Variants in GAPVD1 observed in about 807,000 individuals in gnomAD.
GAPVD1 encodes the protein GTPase activating protein and VPS9 domains 1.
Under a neutral mutation model 155.5 loss-of-function variants are expected in GAPVD1, and 35 were observed. The observed-to-expected ratio is 0.23, with a 90% CI of 0.17 to 0.30. The LOEUF is 0.30. Among genes scored for constraint, GAPVD1 ranks in the 10% least tolerant of loss-of-function variants. The pLI is 1.00. For missense variants in GAPVD1, 1,429 were observed against 1,775.7 expected (o/e 0.80, Z 3.51); for synonymous variants, 636 against 619.7 (o/e 1.03, Z -0.39).
chr9:125,296,281 C>G (rs1341980760), intron 3 of GAPVD1, among the ~76,000 whole-genome samples: 3 of 150,928 alleles, frequency 2.0e-5, no homozygotes, highest in African/African-American at 7.3e-5. Context: ...CGGGTTCAAG[C>G]AATTCTCTGC....
intron 23 of GAPVD1, among the ~76,000 whole-genome samples, chr9:125,353,447 T>G (rs1242260502): frequency 1.3e-5 from 2 of 152,158 alleles, no homozygotes; most frequent in African/African-American, 2.4e-5. Flanking sequence ...TCCAAACTGT[T>G]CCATCCTCTG....
At chr9:125,338,929 T>TG (rs1847426483) in intron 17 of GAPVD1, among the ~76,000 whole-genome samples, 24 of 146,728 alleles carry the variant, frequency 1.6e-4, no homozygotes, top group African/African-American at 4.5e-4. Context: ...TTAAAAAAAT[T>TG]TGTGTGTGTG....
chr9:125,267,626 C>G (rs1018776862), intron 1 of GAPVD1, among the ~76,000 whole-genome samples: 1 of 152,052 alleles, frequency 6.6e-6, no homozygotes, highest in Non-Finnish European at 1.5e-5. Context: ...TCAGGCTGGT[C>G]TTGAACTCCT....
At chr9:125,295,304 A>T (rs1447299222) in intron 2 of GAPVD1, among the ~76,000 whole-genome samples, 154 bp from the exon 3 acceptor site, 1 of 151,872 alleles carries the variant, frequency 6.6e-6, no homozygotes, top group African/African-American at 2.4e-5. Context: ...ACTTTTAGTT[A>T]TTCATGTCTA....
chr9:125,331,185 T>A (rs1421105958), intron 13 of GAPVD1, among the ~76,000 whole-genome samples: 2 of 147,664 alleles, frequency 1.4e-5, no homozygotes, highest in African/African-American at 5.2e-5. Context: ...TATTAAGTGA[T>A]CCTGATATGT....
At chr9:125,314,938 C>T (rs1843185154) in intron 9 of GAPVD1, among the ~76,000 whole-genome samples, 1 of 151,798 alleles carries the variant, frequency 6.6e-6, no homozygotes, top group South Asian at 2.1e-4. Context: ...CAGGCGCCCG[C>T]CACCACGCCC....
intron 2 of GAPVD1, among the ~76,000 whole-genome samples, chr9:125,279,570 C>CAA (rs373750165): frequency 7.2e-5 from 4 of 55,778 alleles, no homozygotes; most frequent in Admixed American, 1.8e-4. Flanking sequence ...GACTTCATCT[C>CAA]AAAAAAAAAA....
At chr9:125,298,690 A>AT (rs1840293254) in intron 3 of GAPVD1, among the ~76,000 whole-genome samples, 200 bp from the exon 4 acceptor site, 1 of 151,764 alleles carries the variant, frequency 6.6e-6, no homozygotes, top group Admixed American at 6.6e-5. Context: ...GGGTTTCACC[A>AT]TGTTGGCCAG....
intron 2 of GAPVD1, among the ~76,000 whole-genome samples, chr9:125,293,866 A>AAATATAT (rs1554757134): frequency 2.8e-4 from 5 of 17,546 alleles, no homozygotes; most frequent in African/African-American, 2.1e-3. Context: ...ATATATATAT[A>AAATATAT]TATATATATA....
chr9:125,352,387 A>G (rs938418269), intron 23 of GAPVD1, among the ~76,000 whole-genome samples: 1 of 152,138 alleles, frequency 6.6e-6, no homozygotes, highest in Non-Finnish European at 1.5e-5. Flanking sequence ...AGGTTCCCAA[A>G]CCCCATTCTT....
At position 125,286,306 on chromosome 9, in the gene GAPVD1, GTTTTT is replaced by G. The variant is rs1450475582; in HGVS notation, c.-149-9150_-149-9146del. On this transcript the variant is annotated intron_variant, in intron 2 of 27. Coordinates refer to ENST00000297933, the MANE Select transcript of GAPVD1 (RefSeq NM_001282680.3). The stretch of plus-strand genomic sequence containing the variant: ...TTTTTTTATTGTTGTTGTTTTCTTT[GTTTTT>G]TATTTATTTTTTGATAGAGATGGAG... Among the ~76,000 whole-genome samples, 869 of 151,536 alleles carry G rather than the reference GTTTTT, an allele frequency of 5.7e-3. 13 individuals are homozygous for G. Among genetic ancestry groups the G allele is most frequent in the African/African-American group, 0.02 (814 of 41,020 alleles).
chr9:125,281,175 G>A (rs530093156), intron 2 of GAPVD1, among the ~76,000 whole-genome samples: 9 of 152,128 alleles, frequency 5.9e-5, no homozygotes, highest in East Asian at 1.9e-4. Context: ...TTTCTAGGCC[G>A]TGGTGGTTAG....
At chr9:125,264,007 TG>T in intron 1 of GAPVD1, 1 of 1,324,108 alleles carries the variant, frequency 7.6e-7, no homozygotes, top group African/African-American at 1.5e-5. Context: ...CTGCCAGCTC[TG>T]GGTGCTTAGG....
intron 2 of GAPVD1, among the ~76,000 whole-genome samples, chr9:125,278,370 A>G (rs1836160892): frequency 6.6e-6 from 1 of 150,580 alleles, no homozygotes; most frequent in African/African-American, 2.5e-5. Context: ...AAAATACAAA[A>G]ATTAGCCGGA....
In GAPVD1 at chr9:125,307,692, T is replaced by A. The variant is rs763052505; in HGVS notation, c.1253T>A (p.Val418Glu). ...YITYSQLITL[V>E]NFMKSVMSGD... ...GCTAATGTTCTTTGCTTTTGCCAGG[T>A]GAATTTTATGAAGAGTGTGATGTCT... Residue 418 changes from valine to glutamate, a missense_variant and splice_region_variant, in exon 8 of 28, where the codon GTG becomes GAG. By Grantham distance (121) the Val-to-Glu change is moderately radical. Transcript: ENST00000297933. The A allele has an allele frequency of 3.7e-5, 60 of 1,612,252 alleles. No individual in the cohort carries two copies. Among genetic ancestry groups the A allele is most frequent in the Non-Finnish European group, 4.9e-5 (58 of 1,178,572 alleles).
At chr9:125,329,015 C>T (rs566466372) in intron 12 of GAPVD1, among the ~76,000 whole-genome samples, 11 of 151,026 alleles carry the variant, frequency 7.3e-5, no homozygotes, top group Non-Finnish European at 1.2e-4. Context: ...CGCAGGCACT[C>T]GGCAGGCTGA....
At chr9:125,266,177 A>G (rs1390289807) in intron 1 of GAPVD1, among the ~76,000 whole-genome samples, 1 of 148,770 alleles carries the variant, frequency 6.7e-6, no homozygotes, top group Non-Finnish European at 1.5e-5. Context: ...CCCAGGCTGG[A>G]GTGCAAATGC....
chr9:125,272,532 C>T (rs1370295799), intron 2 of GAPVD1, among the ~76,000 whole-genome samples: 1 of 152,136 alleles, frequency 6.6e-6, no homozygotes, highest in African/African-American at 2.4e-5. Flanking sequence ...AAAACATTAC[C>T]ATGATAATAG....
intron 19 of GAPVD1, among the ~76,000 whole-genome samples, chr9:125,342,643 A>G (rs1474468226): frequency 6.6e-6 from 1 of 152,218 alleles, no homozygotes; most frequent in Non-Finnish European, 1.5e-5. Context: ...GGTGCTGTGC[A>G]TGCTGTATCT....
Sources: allele counts gnomAD v4.1 joint callset (sites outside exome capture counted in the v4.1 genomes callset), GRCh38; gene constraint gnomAD v4.1.1; transcripts MANE v1.5; gene names NCBI Gene and HGNC (gene_info 2026-07-23, HGNC 2026-07-21).